Variants in PRELID2 observed in about 807,000 individuals in gnomAD.
PRELID2 encodes PRELI domain containing 2.
PRELID2 carries 25 observed loss-of-function variants against 28.4 expected under a neutral mutation model. That is an observed-to-expected ratio of 0.88 (90% CI 0.64 to 1.23). The LOEUF (loss-of-function observed/expected upper bound fraction) is 1.23, where lower values mean the gene tolerates loss of function less well. Ranked by LOEUF, PRELID2 falls within the 50% of genes most tolerant of loss-of-function variation. The pLI is 0.00. For missense variants in PRELID2, 201 were observed against 214.4 expected (o/e 0.94, Z 0.39); for synonymous variants, 76 against 71.6 (o/e 1.06, Z -0.31).
the PRELID2 span, among the ~76,000 whole-genome samples, chr5:145,461,651 C>T: frequency 6.6e-6 from 1 of 152,122 alleles, no homozygotes; most frequent in African/African-American, 2.4e-5. Flanking sequence ...AATGATAATT[C>T]CTATCCCACT....
chr5:145,819,155 T>G (rs1169948445), intron 3 of PRELID2, among the ~76,000 whole-genome samples: 1 of 152,218 alleles, frequency 6.6e-6, no homozygotes, highest in Non-Finnish European at 1.5e-5. Context: ...TTAAAACTCT[T>G]TTTATTTATA....
the PRELID2 span, among the ~76,000 whole-genome samples, chr5:145,280,804 A>T: frequency 3.5e-4 from 1 of 2,884 alleles, no homozygotes; most frequent in Non-Finnish European, 0.022. Flanking sequence ...TTGATTCATG[A>T]AAAAAAAAAA....
intron 1 of PRELID2, among the ~76,000 whole-genome samples, chr5:145,597,615 C>G (rs1048572920): frequency 1.3e-5 from 2 of 152,166 alleles, no homozygotes; most frequent in East Asian, 3.8e-4. Flanking sequence ...CTGCCACTTT[C>G]TCTTTCTCAC....
the PRELID2 span, among the ~76,000 whole-genome samples, chr5:145,439,005 C>T: frequency 6.6e-6 from 1 of 152,144 alleles, no homozygotes; most frequent in Non-Finnish European, 1.5e-5. Flanking sequence ...GCAGCCATAG[C>T]TTATATCTCC....
chr5:145,414,173 C>T, the PRELID2 span, among the ~76,000 whole-genome samples: 4 of 152,116 alleles, frequency 2.6e-5, no homozygotes, highest in Admixed American at 6.6e-5. Flanking sequence ...GGTCAAGCAA[C>T]CGGTAGAGAA....
At position 145,816,556 on chromosome 5, in the gene PRELID2, G is replaced by A. The variant is rs116498098; in HGVS notation, c.368+1338C>T. On this transcript the variant is annotated intron_variant, in intron 4 of 6. Coordinates refer to ENST00000683046, the MANE Select transcript of PRELID2 (RefSeq NM_205846.3). Reference sequence around the variant, plus strand: ...CATGTTTATTTCTAAGTGTCTTATAGTTTTAACTCTTTCATTTAGGTATTT... The same window carrying A: ...CATGTTTATTTCTAAGTGTCTTATAATTTTAACTCTTTCATTTAGGTATTT... Among the ~76,000 whole-genome samples the A allele has an allele frequency of 2.5e-3, 381 of 152,186 alleles. 2 individuals carry two copies. The highest frequency in any genetic ancestry group is 8.9e-3 in the African/African-American group (371 of 41,520).
chr5:145,243,745 T>G, the PRELID2 span, among the ~76,000 whole-genome samples: 2 of 152,130 alleles, frequency 1.3e-5, no homozygotes, highest in Non-Finnish European at 2.9e-5. Flanking sequence ...TGCTTGAATG[T>G]CTTGCCAACA....
intron 1 of PRELID2, among the ~76,000 whole-genome samples, chr5:145,750,233 C>T (rs1757091932): frequency 6.6e-6 from 1 of 151,932 alleles, no homozygotes; most frequent in African/African-American, 2.4e-5. Context: ...CTAGAGATTG[C>T]TGAGTGTTTA....
At chr5:145,581,727 C>A (rs1753109431) in intron 1 of PRELID2, among the ~76,000 whole-genome samples, 1 of 152,040 alleles carries the variant, frequency 6.6e-6, no homozygotes, top group Non-Finnish European at 1.5e-5. Flanking sequence ...GAATGAGCCT[C>A]TTGCGATTTT....
intron 1 of PRELID2, among the ~76,000 whole-genome samples, chr5:145,530,536 T>C (rs190798236): frequency 4.0e-4 from 61 of 151,376 alleles, no homozygotes; most frequent in Admixed American, 3.2e-3. Context: ...CGATGATGAG[T>C]AAGGAGAGCA....
chr5:145,514,122 C>T (rs957819703), intron 1 of PRELID2, among the ~76,000 whole-genome samples: 1 of 152,032 alleles, frequency 6.6e-6, no homozygotes, highest in Non-Finnish European at 1.5e-5. Flanking sequence ...ATCATAATGA[C>T]AGAATCAAAT....
In PRELID2 at chr5:145,835,327, G is replaced by C; in HGVS notation, c.-76C>G. 1 of 990,146 alleles carries C rather than the reference G, an allele frequency of 1.0e-6. No individual in the cohort carries two copies. The highest frequency in any genetic ancestry group is 1.5e-6 in the Non-Finnish European group (1 of 667,156). 61.3% of individuals were successfully genotyped at this position (990,146 alleles called of 1,614,324 possible). ...GCTGCCCAGGGCTCCGCAGAGGCCC[G>C]GAGGCGCCCACACTCGGACAGCCAC... On this transcript the variant is annotated 5_prime_UTR_variant, in exon 1 of 7. Transcript: ENST00000683046.
chr5:145,397,353 C>T, the PRELID2 span, among the ~76,000 whole-genome samples: 2 of 152,056 alleles, frequency 1.3e-5, no homozygotes, highest in African/African-American at 4.8e-5. Context: ...ACAAAACACA[C>T]GCCAAAAGAA....
chr5:145,556,678 C>T (rs1398683059), intron 1 of PRELID2, among the ~76,000 whole-genome samples: 3 of 152,180 alleles, frequency 2.0e-5, no homozygotes, highest in African/African-American at 7.2e-5. Context: ...AGATCAACAT[C>T]CTCAAAAGAG....
At chr5:145,542,891 C>G (rs994575846) in intron 1 of PRELID2, among the ~76,000 whole-genome samples, 1 of 151,794 alleles carries the variant, frequency 6.6e-6, no homozygotes, top group Non-Finnish European at 1.5e-5. Flanking sequence ...TGGTGGTATG[C>G]ATCCTATCAG....
intron 1 of PRELID2, among the ~76,000 whole-genome samples, chr5:145,634,093 T>C (rs1391674835): frequency 6.6e-6 from 1 of 152,106 alleles, no homozygotes; most frequent in Non-Finnish European, 1.5e-5. Flanking sequence ...TCCCAGAAAA[T>C]AGTTGCTCTT....
At chr5:145,405,555 T>G in the PRELID2 span, among the ~76,000 whole-genome samples, 1 of 151,984 alleles carries the variant, frequency 6.6e-6, no homozygotes, top group East Asian at 1.9e-4. Flanking sequence ...TGGGTGCAAA[T>G]TGTAGGAAGC....
chr5:145,692,601 A>C (rs989155624), intron 1 of PRELID2, among the ~76,000 whole-genome samples: 1 of 152,230 alleles, frequency 6.6e-6, no homozygotes, highest in African/African-American at 2.4e-5. Flanking sequence ...CACTTTTTAT[A>C]CTACAAAAAA....
chr5:145,589,114 CACAA>C (rs1251638774), intron 1 of PRELID2, among the ~76,000 whole-genome samples: 1 of 152,098 alleles, frequency 6.6e-6, no homozygotes, highest in Non-Finnish European at 1.5e-5. Context: ...ATACCTACTG[CACAA>C]ACAGTTTAAA....
Sources: allele counts gnomAD v4.1 joint callset (sites outside exome capture counted in the v4.1 genomes callset), GRCh38; gene constraint gnomAD v4.1.1; transcripts MANE v1.5; gene names NCBI Gene and HGNC (gene_info 2026-07-23, HGNC 2026-07-21).